SAFB2: variants seen among roughly 807,000 people sequenced by gnomAD.
The protein encoded by SAFB2 is scaffold attachment factor B2.
In SAFB2, 32 loss-of-function variants were observed where a neutral mutation model predicts 100.6. That is an observed-to-expected ratio of 0.32 (90% CI 0.24 to 0.43). SAFB2 has a LOEUF of 0.43. SAFB2 is among the 20% of genes least tolerant of loss of function. The pLI, the probability that SAFB2 is intolerant of heterozygous loss-of-function variation, is 1.00. For synonymous variants in SAFB2, 500 were observed against 439.4 expected (o/e 1.14, Z -1.72); for missense variants, 1,185 against 1,163.4 (o/e 1.02, Z -0.27).
At chr19:5,593,601 G>A (rs556161354) in intron 15 of SAFB2, 3 of 372,648 alleles carry the variant, frequency 8.1e-6, no homozygotes, top group Admixed American at 4.6e-5. Flanking sequence ...TATGCTCCAC[G>A]GGTAAGTGGA....
intron 18 of SAFB2, chr19:5,588,865 A>T (rs1306187797): frequency 1.3e-5 from 2 of 152,264 alleles, no homozygotes; most frequent in Non-Finnish European, 2.9e-5. Context: ...TGTCGTGTGA[A>T]CTATACTTAA....
At chr19:5,589,199 G>GT (rs1373847949) in intron 18 of SAFB2, among the ~76,000 whole-genome samples, 2 of 152,232 alleles carry the variant, frequency 1.3e-5, no homozygotes, top group African/African-American at 4.8e-5. Context: ...CTCACCATGG[G>GT]TGAGTTTCCC....
Position 5,587,644 on chromosome 19 carries a change from GGA to G in SAFB2, c.2705+55_2705+56del. The G allele has an allele frequency of 6.7e-7, 1 of 1,496,220 alleles. No homozygotes were observed. 92.7% of individuals were successfully genotyped at this position (1,496,220 alleles called of 1,614,324 possible). The stretch of plus-strand genomic sequence containing the variant: ...CCAGCTGATCAAACATGCAAAAAAG[GGA>G]GAGGAAGTGAGGAGCAGGAGTGAAC... On this transcript the variant is annotated intron_variant, in intron 20 of 20. Coordinates refer to ENST00000252542, the MANE Select transcript of SAFB2 (RefSeq NM_014649.3). This position sits in a 1 kb window ranked among gnomAD's most constrained non-coding sequence, Gnocchi z 4.9.
intron 9 of SAFB2, among the ~76,000 whole-genome samples, chr19:5,608,996 G>T (rs2052840431): frequency 7.0e-6 from 1 of 142,046 alleles, no homozygotes; most frequent in Admixed American, 7.4e-5. Flanking sequence ...AGGCTGCAGT[G>T]AGCCAAGATC....
At chr19:5,599,344 A>G (rs2052605198) in intron 12 of SAFB2, among the ~76,000 whole-genome samples, 1 of 152,166 alleles carries the variant, frequency 6.6e-6, no homozygotes, top group African/African-American at 2.4e-5. Flanking sequence ...TCCAGCAATA[A>G]AGGCTTCCAA....
At chr19:5,618,535 ATT>A (rs1340742152) in intron 2 of SAFB2, among the ~76,000 whole-genome samples, 1 of 152,196 alleles carries the variant, frequency 6.6e-6, no homozygotes, top group African/African-American at 2.4e-5. Context: ...AGCAGGTTTT[ATT>A]ATCTGCATTT....
intron 13 of SAFB2, among the ~76,000 whole-genome samples, 156 bp from the exon 14 acceptor site, chr19:5,595,653 C>A (rs1488651697): frequency 3.3e-5 from 5 of 152,224 alleles, no homozygotes. Flanking sequence ...GCATAGGCTG[C>A]TTCCCTCCAA....
chr19:5,612,611 C>T (rs751319420), intron 5 of SAFB2, 44 bp from the exon 6 acceptor site: 53 of 1,505,492 alleles, frequency 3.5e-5, no homozygotes, highest in East Asian at 2.3e-4. Context: ...ACTTTAAACA[C>T]GGGGCACATA....
Position 5,590,283 on chromosome 19 carries a change from G to C in SAFB2, c.2520C>G (p.Pro840=). 3 of 1,595,894 alleles carry C rather than the reference G, an allele frequency of 1.9e-6. No individual in the cohort carries two copies. The highest frequency in any genetic ancestry group is 2.6e-6 in the Non-Finnish European group (3 of 1,172,284). Residue 840 remains proline (P), a synonymous_variant, in exon 18 of 21, where the codon CCC becomes CCG. Transcript: ENST00000252542. Reference sequence around the variant, plus strand: ...GCTGGGGCTCACCCACTAACCTGGGGGGAGGGGGCAGCCCCCGGCCTTCAC... The same window carrying C: ...GCTGGGGCTCACCCACTAACCTGGGCGGAGGGGGCAGCCCCCGGCCTTCAC... The part of the protein sequence containing the change: ...RLSEGRGLPP[P]PRGGRDWGEH...
chr19:5,595,574 A>G, intron 13 of SAFB2, 77 bp from the exon 14 acceptor site: 1 of 1,544,722 alleles, frequency 6.5e-7, no homozygotes, highest in Non-Finnish European at 8.8e-7. Context: ...GCACGTGTGC[A>G]TGAGACTAAG....
intron 9 of SAFB2, among the ~76,000 whole-genome samples, chr19:5,607,473 C>T (rs537575492): frequency 6.6e-6 from 1 of 152,184 alleles, no homozygotes; most frequent in South Asian, 2.1e-4. Flanking sequence ...AACAGAGCAC[C>T]CCTTGCAGAC....
chr19:5,590,403 A>G lies in SAFB2; in HGVS notation c.2400T>C (p.Tyr800=). 1 of 1,609,196 alleles carries G rather than the reference A, an allele frequency of 6.2e-7. No individual in the cohort carries two copies. The highest frequency in any genetic ancestry group is 8.5e-7 in the Non-Finnish European group (1 of 1,177,846). The stretch of plus-strand genomic sequence containing the variant: ...CTCCGTGGCCATGGCGGTCATCTCC[A>G]TAGTGCTGGAAGGCAGGAGAGGAAC... ...MMGDHRDGQH[Y]GDDRHGHGGP... is the part of the protein sequence containing the mutation. Residue 800 remains tyrosine (Y), a synonymous_variant, in exon 18 of 21, where the codon TAT becomes TAC. Transcript: ENST00000252542.
chr19:5,608,185 C>CT (rs1351003254), intron 9 of SAFB2, among the ~76,000 whole-genome samples: 2 of 152,232 alleles, frequency 1.3e-5, no homozygotes, highest in Non-Finnish European at 2.9e-5. Flanking sequence ...AAGGCCAACT[C>CT]TGTCACTCAC....
chr19:5,613,656 G>T, intron 4 of SAFB2, 129 bp from the exon 5 acceptor site: 1 of 1,486,256 alleles, frequency 6.7e-7, no homozygotes, highest in Non-Finnish European at 8.9e-7. Context: ...GTCTACTGTT[G>T]GGTCATTCAG....
At chr19:5,588,260 C>A (rs2052307133) in intron 18 of SAFB2, among the ~76,000 whole-genome samples, 1 of 151,814 alleles carries the variant, frequency 6.6e-6, no homozygotes, top group African/African-American at 2.4e-5. Flanking sequence ...ATAACACACA[C>A]CGTGGAGGGT....
intron 2 of SAFB2, among the ~76,000 whole-genome samples, chr19:5,620,289 T>TA (rs2053114157): frequency 1.3e-5 from 2 of 152,226 alleles, no homozygotes; most frequent in Non-Finnish European, 2.9e-5. Context: ...ATGAAATTGT[T>TA]AAAAATGCTA....
chr19:5,610,640 T>C lies in SAFB2; in HGVS notation c.1194A>G (p.Lys398=), dbSNP rs762261324. The change falls in exon 8 of 21, where the codon AAA becomes AAG. Residue 398 remains lysine (K), a splice_region_variant and synonymous_variant. Coordinates refer to ENST00000252542, the MANE Select transcript of SAFB2 (RefSeq NM_014649.3). The part of the protein sequence containing the change: ...KDIKPIIKDE[K]GRVGSGSGRN... ...CTACCACGTTAAATTAAATCATACC[T>C]TTTTCATCTTTAATGATTGGCTTTA... 3.2e-6 allele frequency: 5 copies of C among 1,565,882 alleles called. No homozygotes were observed. The African/African-American group carries it at 4.1e-5, about 13-fold the overall frequency.
chr19:5,615,275 A>C lies in SAFB2; in HGVS notation c.543+857T>G, dbSNP rs534779459. 3.9e-5 allele frequency among the ~76,000 whole-genome samples: 6 copies of C among 152,298 alleles called. No individual in the cohort carries two copies. In the South Asian group the frequency reaches 1.0e-3, roughly 26 times the overall value. On this transcript the variant is annotated intron_variant, in intron 4 of 20. Transcript: ENST00000252542. ...GAGGCTGAGGCAGGAGAATTGCTTGAATCAGGGAGGCGGAGGTTGCAGTGA... is the reference window on the plus strand; with the variant it reads ...GAGGCTGAGGCAGGAGAATTGCTTGCATCAGGGAGGCGGAGGTTGCAGTGA...
chr19:5,621,816 G>GC (rs2053157674), intron 1 of SAFB2, among the ~76,000 whole-genome samples: 1 of 152,244 alleles, frequency 6.6e-6, no homozygotes, highest in African/African-American at 2.4e-5. Flanking sequence ...GTCCCTCAGT[G>GC]CCTGCCACCT....
Sources: allele counts gnomAD v4.1 joint callset (sites outside exome capture counted in the v4.1 genomes callset), GRCh38; gene constraint gnomAD v4.1.1; non-coding constraint Gnocchi (gnomAD v3.1); transcripts MANE v1.5; gene names NCBI Gene and HGNC (gene_info 2026-07-23, HGNC 2026-07-21).